Variants in HPSE2 observed in about 807,000 individuals in gnomAD.
HPSE2 encodes inactive heparanase-2.
Under a neutral mutation model 60.5 loss-of-function variants are expected in HPSE2, and 38 were observed. That is an observed-to-expected ratio of 0.63 (90% CI 0.48 to 0.82). The LOEUF is 0.82. Among genes scored for constraint, HPSE2 ranks in the 40% least tolerant of loss-of-function variants. The probability of loss-of-function intolerance (pLI) is 0.00; values close to 1 mark genes in which losing one functional copy is unlikely to be tolerated. For missense variants in HPSE2, 713 were observed against 740.4 expected (o/e 0.96, Z 0.43); for synonymous variants, 295 against 293.2 (o/e 1.01, Z -0.06).
At chr10:99,242,992 A>G in the HPSE2 span, among the ~76,000 whole-genome samples, 1 of 152,334 alleles carries the variant, frequency 6.6e-6, no homozygotes, top group East Asian at 1.9e-4. Context: ...TAATTTACAT[A>G]TATACTATTT....
chr10:98,541,535 G>A (rs1293897332), intron 9 of HPSE2, among the ~76,000 whole-genome samples: 1 of 152,212 alleles, frequency 6.6e-6, no homozygotes, highest in Non-Finnish European at 1.5e-5. Context: ...CTCAGGAAGT[G>A]CAAGGGGTCA....
At chr10:98,820,377 G>A (rs1443139485) in intron 3 of HPSE2, among the ~76,000 whole-genome samples, 1 of 152,116 alleles carries the variant, frequency 6.6e-6, no homozygotes, top group East Asian at 1.9e-4. Flanking sequence ...TAAAACCAAG[G>A]ACTTCTCTTG....
intron 3 of HPSE2, among the ~76,000 whole-genome samples, chr10:98,929,644 G>T (rs1245117793): frequency 2.1e-5 from 3 of 143,482 alleles, no homozygotes; most frequent in African/African-American, 8.5e-5. Context: ...ATTGTTTAAT[G>T]TCCCTAATGG....
the HPSE2 span, among the ~76,000 whole-genome samples, chr10:99,268,960 A>G: frequency 1.3e-5 from 2 of 152,032 alleles, no homozygotes; most frequent in Non-Finnish European, 2.9e-5. Flanking sequence ...GTTCGAGACC[A>G]GCCTGGCCAA....
At chr10:98,854,410 C>T (rs1338846577) in intron 3 of HPSE2, among the ~76,000 whole-genome samples, 1 of 152,142 alleles carries the variant, frequency 6.6e-6, no homozygotes, top group Non-Finnish European at 1.5e-5. Context: ...ACGTCATTAG[C>T]TGTAACAGGT....
At chr10:98,861,782 T>C (rs941803049) in intron 3 of HPSE2, among the ~76,000 whole-genome samples, 1 of 152,042 alleles carries the variant, frequency 6.6e-6, no homozygotes, top group African/African-American at 2.4e-5. Flanking sequence ...TGATGCTGGG[T>C]GCTTTCAAAA....
the HPSE2 span, among the ~76,000 whole-genome samples, chr10:99,242,361 C>T: frequency 1.3e-5 from 2 of 152,138 alleles, no homozygotes; most frequent in Non-Finnish European, 2.9e-5. Flanking sequence ...ATTGCTCCAC[C>T]TCATCATATT....
intron 9 of HPSE2, among the ~76,000 whole-genome samples, chr10:98,568,724 G>T (rs969771406): frequency 1.3e-5 from 2 of 152,082 alleles, no homozygotes; most frequent in African/African-American, 4.8e-5. Context: ...ACCCCACCCT[G>T]GCAGCCTAGC....
chr10:98,570,303 C>T (rs983797292), intron 9 of HPSE2, among the ~76,000 whole-genome samples: 9 of 152,180 alleles, frequency 5.9e-5, no homozygotes, highest in South Asian at 2.1e-4. Context: ...CTGCATGGCA[C>T]GGCTCCTGTT....
At chr10:98,623,743 G>A (rs1946132595) in intron 7 of HPSE2, among the ~76,000 whole-genome samples, 1 of 152,166 alleles carries the variant, frequency 6.6e-6, no homozygotes, top group Admixed American at 6.5e-5. Context: ...ATGTTAAAAT[G>A]TGTTAGTATT....
chr10:98,739,023 G>GT (rs1350458587), intron 4 of HPSE2, among the ~76,000 whole-genome samples: 1 of 152,120 alleles, frequency 6.6e-6, no homozygotes, highest in African/African-American at 2.4e-5. Context: ...ACATGCACAC[G>GT]TATGTTTATT....
intron 9 of HPSE2, among the ~76,000 whole-genome samples, chr10:98,614,092 C>T (rs1249685911): frequency 6.6e-6 from 1 of 152,196 alleles, no homozygotes; most frequent in African/African-American, 2.4e-5. Context: ...TGTAATTGCA[C>T]TTCAGCCACT....
At chr10:98,608,469 C>A (rs754611728) in intron 9 of HPSE2, among the ~76,000 whole-genome samples, 1 of 152,166 alleles carries the variant, frequency 6.6e-6, no homozygotes, top group Non-Finnish European at 1.5e-5. Context: ...GGAACGTCTA[C>A]GTGAAAGCAT....
At chr10:98,800,576 A>G (rs1032873875) in intron 3 of HPSE2, among the ~76,000 whole-genome samples, 21 of 151,340 alleles carry the variant, frequency 1.4e-4, no homozygotes, top group Admixed American at 9.9e-4. Context: ...TCAAAGGATA[A>G]TTAGTGGCTA....
the HPSE2 span, among the ~76,000 whole-genome samples, chr10:99,273,520 T>C: frequency 2.4e-4 from 36 of 152,278 alleles, no homozygotes; most frequent in Non-Finnish European, 3.7e-4. Flanking sequence ...TTACAAATGA[T>C]AGACAAGGAA....
At chr10:99,106,750 T>C (rs1844264996) in intron 3 of HPSE2, among the ~76,000 whole-genome samples, 1 of 152,136 alleles carries the variant, frequency 6.6e-6, no homozygotes, top group Admixed American at 6.6e-5. Context: ...GATAATATTA[T>C]CCCCATTTAT....
At chr10:98,743,801 G>T in intron 4 of HPSE2, 82 bp downstream of exon 4, 3 of 1,250,700 alleles carry the variant, frequency 2.4e-6, no homozygotes, top group South Asian at 1.2e-5. Flanking sequence ...TACTAGAGAT[G>T]GTCTGATTGA....
In HPSE2 at chr10:98,494,851, G is replaced by C. The variant is rs530318210; in HGVS notation, c.1321-4655C>G. Among the ~76,000 whole-genome samples, 6 of 152,250 alleles carry C rather than the reference G, an allele frequency of 3.9e-5. No homozygotes were observed. In the South Asian group the frequency reaches 1.2e-3, roughly 32 times the overall value. ...TCTAGACTAATAATTGTTTTTAAAA[G>C]AGGTATTAGTCTGTTAAAACATGCA... On this transcript the variant is annotated intron_variant, in intron 9 of 11. Transcript: ENST00000370552.
At chr10:98,767,065 T>C (rs1589792654) in intron 3 of HPSE2, among the ~76,000 whole-genome samples, 2 of 152,224 alleles carry the variant, frequency 1.3e-5, no homozygotes, top group East Asian at 1.9e-4. Flanking sequence ...CATTAATTCA[T>C]TATTTTAAAA....
Sources: allele counts gnomAD v4.1 joint callset (sites outside exome capture counted in the v4.1 genomes callset), GRCh38; gene constraint gnomAD v4.1.1; transcripts MANE v1.5; gene names NCBI Gene and HGNC (gene_info 2026-07-23, HGNC 2026-07-21).